The following B3GNT4 variants were observed in gnomAD, a reference collection of about 807,000 sequenced individuals.
B3GNT4 encodes UDP-GlcNAc:betaGal beta-1,3-N-acetylglucosaminyltransferase 4.
Under a neutral mutation model 2.7 loss-of-function variants are expected in B3GNT4, and 2 were observed. The ratio of observed to expected loss-of-function variants is 0.73; its 90% CI spans 0.30 to 2.31. The LOEUF (loss-of-function observed/expected upper bound fraction) is 2.31, where lower values mean the gene tolerates loss of function less well. Ranked by LOEUF, B3GNT4 falls within the 30% of genes most tolerant of loss-of-function variation. B3GNT4 has a pLI of 0.12. For synonymous variants in B3GNT4, 280 were observed against 203.4 expected (o/e 1.38, Z -3.20); for missense variants, 708 against 490.9 (o/e 1.44, Z -4.18).
intron 2 of B3GNT4, chr12:122,205,770 G>A (rs1309362474): frequency 6.5e-6 from 1 of 152,718 alleles, no homozygotes; most frequent in East Asian, 1.9e-4. Flanking sequence ...CGACCTCTGA[G>A]GCAGGTGTAA....
chr12:122,208,370 T>C lies in B3GNT4; in HGVS notation c.*982T>C, dbSNP rs1593164345. 6.2e-7 allele frequency: 1 copy of C among 1,611,418 alleles called. No individual in the cohort carries two copies. Among genetic ancestry groups the C allele is most frequent in the East Asian group, 2.2e-5 (1 of 44,890 alleles). ...CACTGAGTGGGGAGACAGGGCAGTGTGCTCAGGCCCTCAATCCTCACGCAG... is the reference window on the plus strand; with the variant it reads ...CACTGAGTGGGGAGACAGGGCAGTGCGCTCAGGCCCTCAATCCTCACGCAG... On this transcript the variant is annotated 3_prime_UTR_variant, in exon 3 of 3. Coordinates refer to ENST00000324189, the MANE Select transcript of B3GNT4 (RefSeq NM_030765.4).
At position 122,207,308 on chromosome 12, in the gene B3GNT4, C is replaced by G. The variant is rs145513216; in HGVS notation, c.1057C>G (p.Pro353Ala). 2.5e-6 allele frequency: 4 copies of G among 1,612,906 alleles called. No individual in the cohort carries two copies. The highest frequency in any genetic ancestry group is 3.3e-5 in the Admixed American group (2 of 59,848). ...RGLLLVHRLS[P>A]LEMWTMWALV... Reference sequence around the variant, plus strand: ...GCTCCTGCTGGTTCACCGCCTCAGCCCCCTCGAGATGTGGACCATGTGGGC... The same window carrying G: ...GCTCCTGCTGGTTCACCGCCTCAGCGCCCTCGAGATGTGGACCATGTGGGC... Residue 353 changes from proline to alanine, a missense_variant, in exon 3 of 3, where the codon CCC becomes GCC. Coordinates refer to ENST00000324189, the MANE Select transcript of B3GNT4 (RefSeq NM_030765.4).
rs995176953 is a variant in B3GNT4, at chr12:122,208,645, C to T, written c.*1257C>T. 6 of 1,527,744 alleles carry T rather than the reference C, an allele frequency of 3.9e-6. No homozygotes were observed. In the East Asian group the frequency reaches 9.3e-5, roughly 24 times the overall value. The allele number at this position is 1,527,744 out of a possible 1,614,324, so 94.6% of individuals were successfully genotyped here. ...CGCGGAAGGCTCATGTGGACGTTGG[C>T]CTGGGGGTGCTGTGGCTGTCATCTG... On this transcript the variant is annotated 3_prime_UTR_variant, in exon 3 of 3. Transcript: ENST00000324189.
chr12:122,208,587 G>A lies in B3GNT4; in HGVS notation c.*1199G>A. 1 of 1,611,232 alleles carries A rather than the reference G, an allele frequency of 6.2e-7. No individual in the cohort carries two copies. The highest frequency in any genetic ancestry group is 8.5e-7 in the Non-Finnish European group (1 of 1,179,948). On this transcript the variant is annotated 3_prime_UTR_variant, in exon 3 of 3. Transcript: ENST00000324189. ...GAGGCCTGATCTGCGCCTGCCAAAA[G>A]ATGGGACAATCGGGTTGAGCAGCCG...
At position 122,207,492 on chromosome 12, in the gene B3GNT4, T is replaced by C; in HGVS notation, c.*104T>C. The C allele has an allele frequency of 9.3e-7, 1 of 1,071,430 alleles. No individual in the cohort carries two copies. The highest frequency in any genetic ancestry group is 1.7e-5 in the South Asian group (1 of 59,440). 66.4% of individuals were successfully genotyped at this position (1,071,430 alleles called of 1,614,324 possible). ...TACAGAAAATGCCAACTTGGTTTTT[T>C]AACTCCTCTCACCCTGTTAGCTCTG... On this transcript the variant is annotated 3_prime_UTR_variant, in exon 3 of 3. Coordinates refer to ENST00000324189, the MANE Select transcript of B3GNT4 (RefSeq NM_030765.4).
Position 122,204,610 on chromosome 12 carries a change from C to T in B3GNT4, c.-9C>T, listed in dbSNP as rs1953890727. The T allele has an allele frequency of 1.2e-6, 2 of 1,607,564 alleles. No individual in the cohort carries two copies. The highest frequency in any genetic ancestry group is 1.7e-6 in the Non-Finnish European group (2 of 1,174,604). On this transcript the variant is annotated 5_prime_UTR_variant, in exon 2 of 3. Transcript: ENST00000324189. Reference sequence around the variant, plus strand: ...TCCTGAGCACGGAGACAGTCTCCAGCTGCCGTTCATGCTTCCTCCCCAGCC... The same window carrying T: ...TCCTGAGCACGGAGACAGTCTCCAGTTGCCGTTCATGCTTCCTCCCCAGCC...
chr12:122,208,476 C>A lies in B3GNT4; in HGVS notation c.*1088C>A. 1 of 1,614,182 alleles carries A rather than the reference C, an allele frequency of 6.2e-7. No individual in the cohort carries two copies. Among genetic ancestry groups the A allele is most frequent in the Non-Finnish European group, 8.5e-7 (1 of 1,180,030 alleles). On this transcript the variant is annotated 3_prime_UTR_variant, in exon 3 of 3. Transcript: ENST00000324189. ...CGGAGCTCTTCTATCTGTGCTTCTGCCAGCTTGGTTTCTGCTTTCCGGGAG... is the reference window on the plus strand; with the variant it reads ...CGGAGCTCTTCTATCTGTGCTTCTGACAGCTTGGTTTCTGCTTTCCGGGAG...
rs1953920036 is a variant in B3GNT4, at chr12:122,206,559, G to GAAATTTCTCTATCTTGCT, written c.309_326dup (p.Asn104_Leu109dup). On this transcript the variant is annotated inframe_insertion, in exon 3 of 3. Coordinates refer to ENST00000324189, the MANE Select transcript of B3GNT4 (RefSeq NM_030765.4). Reference sequence around the variant, plus strand: ...CTCTTCTTGACCTATCGTCACTGCCGAAATTTCTCTATCTTGCTGGAGCCT... The same window carrying GAAATTTCTCTATCTTGCT: ...CTCTTCTTGACCTATCGTCACTGCCGAAATTTCTCTATCTTGCTAAATTTCTCTATCTTGCTGGAGCCT... The GAAATTTCTCTATCTTGCT allele has an allele frequency of 6.2e-7, 1 of 1,614,074 alleles. No individual in the cohort carries two copies. The highest frequency in any genetic ancestry group is 1.7e-5 in the Admixed American group (1 of 59,998).
intron 1 of B3GNT4, among the ~76,000 whole-genome samples, chr12:122,204,270 A>G (rs1016931862): frequency 6.6e-6 from 1 of 151,924 alleles, no homozygotes; most frequent in African/African-American, 2.4e-5. Flanking sequence ...GCGCAGCCTC[A>G]GGACCCGCGC....
rs1333212827 is a variant in B3GNT4 at position 122,207,504 on chromosome 12, C to T, written c.*116C>T. On this transcript the variant is annotated 3_prime_UTR_variant, in exon 3 of 3. Coordinates refer to ENST00000324189, the MANE Select transcript of B3GNT4 (RefSeq NM_030765.4). The stretch of plus-strand genomic sequence containing the variant: ...CAACTTGGTTTTTTAACTCCTCTCA[C>T]CCTGTTAGCTCTGATTAAAAACACT... The T allele has an allele frequency of 2.7e-5, 26 of 946,734 alleles. No homozygotes were observed. Among genetic ancestry groups the T allele is most frequent in the Non-Finnish European group, 3.4e-5 (22 of 653,304 alleles). 58.6% of individuals were successfully genotyped at this position (946,734 alleles called of 1,614,324 possible). A position where few individuals can be genotyped will look rare whatever the true frequency, so the allele number is the denominator to read the frequency against.
Position 122,206,465 on chromosome 12 carries a change from C to A in B3GNT4, c.214C>A (p.Arg72Ser). Residue 72 changes from arginine to serine, a missense_variant, in exon 3 of 3, where the codon CGT becomes AGT. Physicochemically the swap from Arg to Ser is moderately radical, Grantham distance 110. Coordinates refer to ENST00000324189, the MANE Select transcript of B3GNT4 (RefSeq NM_030765.4). ...GCCTTTCTGGGCTCCCCCAACACCC[C>A]GTCACAGCCGGTGTCCACCCAACCA... ...HQPFWAPPTP[R>S]HSRCPPNHTV... is the part of the protein sequence containing the mutation. 6.2e-7 allele frequency: 1 copy of A among 1,614,154 alleles called. No homozygotes were observed. The highest frequency in any genetic ancestry group is 2.2e-5 in the East Asian group (1 of 44,880).
At chr12:122,206,229 T>C in intron 2 of B3GNT4, 89 bp from the exon 3 acceptor site, 2 of 1,078,584 alleles carry the variant, frequency 1.9e-6, no homozygotes, top group South Asian at 1.6e-5. Flanking sequence ...AGCAGGGACT[T>C]AGCGGCTGGG....
Position 122,208,296 on chromosome 12 carries a change from A to G in B3GNT4, c.*908A>G, listed in dbSNP as rs1336197206. The G allele has an allele frequency of 1.3e-6, 2 of 1,517,454 alleles. No homozygotes were observed. The highest frequency in any genetic ancestry group is 9.1e-7 in the Non-Finnish European group (1 of 1,104,264). 94.0% of individuals were successfully genotyped at this position (1,517,454 alleles called of 1,614,324 possible). ...GATCTGCCGCCTCTTCTCGGTGCACAGACAGTCATGCCAACCCTGGGCAGG... is the reference window on the plus strand; with the variant it reads ...GATCTGCCGCCTCTTCTCGGTGCACGGACAGTCATGCCAACCCTGGGCAGG... On this transcript the variant is annotated 3_prime_UTR_variant, in exon 3 of 3. Coordinates refer to ENST00000324189, the MANE Select transcript of B3GNT4 (RefSeq NM_030765.4).
Position 122,208,288 on chromosome 12 carries a change from C to A in B3GNT4, c.*900C>A, listed in dbSNP as rs775703143. ...CAGGGCAGGATCTGCCGCCTCTTCT[C>A]GGTGCACAGACAGTCATGCCAACCC... On this transcript the variant is annotated 3_prime_UTR_variant, in exon 3 of 3. Coordinates refer to ENST00000324189, the MANE Select transcript of B3GNT4 (RefSeq NM_030765.4). 10 of 1,470,042 alleles carry A rather than the reference C, an allele frequency of 6.8e-6. No individual in the cohort carries two copies. The African/African-American group carries it at 1.1e-4, about 16-fold the overall frequency. 91.1% of individuals were successfully genotyped at this position (1,470,042 alleles called of 1,614,324 possible).
Position 122,208,317 on chromosome 12 carries a change from G to T in B3GNT4, c.*929G>T, listed in dbSNP as rs775246254. ...GCACAGACAGTCATGCCAACCCTGG[G>T]CAGGGTGGCATCTGCCCCTGCTTTC... is the stretch of plus-strand genomic sequence containing the variant. On this transcript the variant is annotated 3_prime_UTR_variant, in exon 3 of 3. Transcript: ENST00000324189. The T allele has an allele frequency of 2.5e-6, 4 of 1,570,942 alleles. No individual in the cohort carries two copies. Among genetic ancestry groups the T allele is most frequent in the Non-Finnish European group, 3.5e-6 (4 of 1,148,962 alleles).
At position 122,206,321 on chromosome 12, in the gene B3GNT4, C is replaced by T; in HGVS notation, c.70C>T (p.Pro24Ser). 1 of 1,557,064 alleles carries T rather than the reference C, an allele frequency of 6.4e-7. No homozygotes were observed. The highest frequency in any genetic ancestry group is 1.4e-5 in the African/African-American group (1 of 73,966). ...GGRSGLLPKG[P>S]AMLCRLCWLV... ...TCAGGTGGCTCTCTCCTTGCAGGGA[C>T]CGGCGATGCTCTGCAGGCTGTGCTG... Residue 24 changes from proline (P) to serine (S), a missense_variant, in exon 3 of 3, where the codon CCG becomes TCG. Transcript: ENST00000324189.
chr12:122,208,185 G>A lies in B3GNT4; in HGVS notation c.*797G>A, dbSNP rs1468129901. ...TGTTAAACAGGGTGCAGTGCCCAAGGGCTAAGAACCAGGTCCAGCGCAAGC... is the reference window on the plus strand; with the variant it reads ...TGTTAAACAGGGTGCAGTGCCCAAGAGCTAAGAACCAGGTCCAGCGCAAGC... On this transcript the variant is annotated 3_prime_UTR_variant, in exon 3 of 3. Coordinates refer to ENST00000324189, the MANE Select transcript of B3GNT4 (RefSeq NM_030765.4). 4.2e-6 allele frequency: 3 copies of A among 721,700 alleles called. No homozygotes were observed. Among genetic ancestry groups the A allele is most frequent in the South Asian group, 3.0e-5 (2 of 67,190 alleles). 44.7% of individuals were successfully genotyped at this position (721,700 alleles called of 1,614,324 possible). A position where few individuals can be genotyped will look rare whatever the true frequency, so the allele number is the denominator to read the frequency against.
Position 122,207,348 on chromosome 12 carries a change from AG to A in B3GNT4, c.1101del (p.Leu368SerfsTer30), listed in dbSNP as rs1953945227. 2 of 1,598,248 alleles carry A rather than the reference AG, an allele frequency of 1.3e-6. 1 individual carries two copies. The highest frequency in any genetic ancestry group is 1.7e-6 in the Non-Finnish European group (2 of 1,171,010). On this transcript the variant is annotated frameshift_variant, in exon 3 of 3. Coordinates refer to ENST00000324189, the MANE Select transcript of B3GNT4 (RefSeq NM_030765.4). LOFTEE classifies it low-confidence loss of function (END_TRUNC). ...MWTMWALVTD[E>X]GLKCAAGPIP... ...ACCATGTGGGCACTGGTGACAGATG[AG>A]GGGCTCAAGTGTGCAGCTGGCCCCA...
In B3GNT4 at chr12:122,207,142, T is replaced by A. The variant is rs1566017544; in HGVS notation, c.891T>A (p.Asp297Glu). The change falls in exon 3 of 3, where the codon GAT (aspartate) becomes GAA (glutamate). Residue 297 changes from aspartate (D) to glutamate (E), a missense_variant. Transcript: ENST00000324189. The part of the protein sequence containing the change: ...TVRRLQAIME[D>E]AELFPIDDVF... ...GGCGCCTCCAGGCTATCATGGAAGA[T>A]GCTGAACTCTTCCCCATTGATGATG... The A allele has an allele frequency of 6.2e-6, 10 of 1,613,982 alleles. No individual in the cohort carries two copies. Among genetic ancestry groups the A allele is most frequent in the Non-Finnish European group, 8.5e-6 (10 of 1,179,996 alleles).
Sources: gnomAD v4.1 joint callset for allele counts (sites outside exome capture counted in the v4.1 genomes callset) on GRCh38, gnomAD v4.1.1 for gene constraint, MANE v1.5 for transcripts, NCBI Gene and HGNC (gene_info 2026-07-23, HGNC 2026-07-21) for gene names.